The following DOCK5 variants were observed in gnomAD, a reference collection of about 807,000 sequenced individuals.
DOCK5 encodes dedicator of cytokinesis protein 5.
Under a neutral mutation model 251.8 loss-of-function variants are expected in DOCK5, and 142 were observed. The ratio of observed to expected loss-of-function variants is 0.56; its 90% confidence interval spans 0.49 to 0.65. DOCK5 has a LOEUF of 0.65. Among genes scored for constraint, DOCK5 ranks in the 30% least tolerant of loss-of-function variants. The probability of loss-of-function intolerance (pLI) is 0.00; values close to 1 mark genes in which losing one functional copy is unlikely to be tolerated. For missense variants in DOCK5, 2,111 were observed against 2,312.3 expected (o/e 0.91, Z 1.79); for synonymous variants, 842 against 835.5 (o/e 1.01, Z -0.13).
At chr8:25,353,620 T>C (rs1289157951) in intron 27 of DOCK5, among the ~76,000 whole-genome samples, 1 of 152,204 alleles carries the variant, frequency 6.6e-6, no homozygotes, top group Non-Finnish European at 1.5e-5. Flanking sequence ...ATCTATCAAT[T>C]ACTTTTTATT....
chr8:25,246,701 A>G (rs1381612347), intron 2 of DOCK5, among the ~76,000 whole-genome samples: 1 of 67,902 alleles, frequency 1.5e-5, no homozygotes, highest in Admixed American at 2.3e-4. Flanking sequence ...CTGCCATGTT[A>G]GTTTGTGTGT....
At chr8:25,246,875 T>C (rs1056733219) in intron 2 of DOCK5, among the ~76,000 whole-genome samples, 2 of 149,930 alleles carry the variant, frequency 1.3e-5, no homozygotes, top group Non-Finnish European at 2.9e-5. Flanking sequence ...AAGTAGGTAA[T>C]GTCTTTTGTT....
chr8:25,341,614 A>G (rs1269335972), intron 23 of DOCK5, 125 bp from the exon 24 acceptor site: 1 of 762,672 alleles, frequency 1.3e-6, no homozygotes, highest in Non-Finnish European at 2.2e-6. Flanking sequence ...TTTTTATTGT[A>G]AGGGTATCTG....
chr8:25,244,852 A>C (rs1176303346), intron 2 of DOCK5, among the ~76,000 whole-genome samples: 1 of 152,124 alleles, frequency 6.6e-6, no homozygotes, highest in Non-Finnish European at 1.5e-5. Flanking sequence ...CTTCCACACA[A>C]CTCAATGTAA....
chr8:25,194,857 G>A (rs549337431), intron 1 of DOCK5, among the ~76,000 whole-genome samples: 9 of 152,138 alleles, frequency 5.9e-5, no homozygotes, highest in Non-Finnish European at 1.3e-4. Context: ...TCAGATTACT[G>A]CTGCTGATGT....
chr8:25,247,861 C>T (rs1213606027), intron 2 of DOCK5, among the ~76,000 whole-genome samples: 1 of 152,208 alleles, frequency 6.6e-6, no homozygotes, highest in Non-Finnish European at 1.5e-5. Flanking sequence ...ATTTGACAGT[C>T]ACACAAAAAT....
At chr8:25,254,345 A>G (rs1193028957) in intron 2 of DOCK5, among the ~76,000 whole-genome samples, 1 of 152,224 alleles carries the variant, frequency 6.6e-6, no homozygotes, top group Non-Finnish European at 1.5e-5. Context: ...CTTTTTAGAT[A>G]TAACACTGAA....
At chr8:25,282,849 CAAAAAAAAAAAA>C (rs56687628) in intron 5 of DOCK5, among the ~76,000 whole-genome samples, 17 of 39,616 alleles carry the variant, frequency 4.3e-4, no homozygotes, top group South Asian at 1.9e-3. Context: ...GACCCTTTCT[CAAAAAAAAAAAA>C]AAAAAAAAAA....
chr8:25,382,239 T>C lies in DOCK5; in HGVS notation c.4027-435T>C, dbSNP rs570825155. ...CAATCCTCCCACCTCTGCCTCCCAATGTGCAAGGATTATAGGCGTGAGCCA... is the reference window on the plus strand; with the variant it reads ...CAATCCTCCCACCTCTGCCTCCCAACGTGCAAGGATTATAGGCGTGAGCCA... On this transcript the variant is annotated intron_variant, in intron 39 of 51. Transcript: ENST00000276440. 1.3e-3 allele frequency among the ~76,000 whole-genome samples: 193 copies of C among 152,196 alleles called. 2 individuals carry two copies. The highest frequency in any genetic ancestry group is 2.4e-3 in the Non-Finnish European group (164 of 67,992).
intron 27 of DOCK5, among the ~76,000 whole-genome samples, chr8:25,353,209 T>A (rs550249750): frequency 3.9e-5 from 6 of 152,218 alleles, no homozygotes; most frequent in African/African-American, 1.2e-4. Context: ...GTGCAGTGAT[T>A]AGTGCCTGTA....
intron 5 of DOCK5, among the ~76,000 whole-genome samples, chr8:25,286,657 C>CT (rs1359285168): frequency 1.3e-5 from 2 of 151,496 alleles, no homozygotes; most frequent in South Asian, 4.2e-4. Context: ...TTGTTTTTCT[C>CT]TTTTTTGTTT....
intron 2 of DOCK5, among the ~76,000 whole-genome samples, chr8:25,264,316 G>A (rs150423353): frequency 0.034 from 5,107 of 151,698 alleles, 362 homozygotes; most frequent in African/African-American, 0.11. Flanking sequence ...GTTGCAGTGA[G>A]CCATGATTGT....
intron 51 of DOCK5, 61 bp downstream of exon 51, chr8:25,410,263 A>C: frequency 1.4e-6 from 2 of 1,434,534 alleles, no homozygotes; most frequent in Non-Finnish European, 1.9e-6. Flanking sequence ...AGGCAGCATC[A>C]GGTTTTCCAG....
At chr8:25,241,310 A>G (rs968638791) in intron 1 of DOCK5, among the ~76,000 whole-genome samples, 2 of 152,030 alleles carry the variant, frequency 1.3e-5, no homozygotes, top group South Asian at 4.1e-4. Context: ...CCCCATCTCT[A>G]CTAAAAACAC....
intron 48 of DOCK5, among the ~76,000 whole-genome samples, chr8:25,404,429 C>T (rs1405378032): frequency 6.6e-6 from 1 of 152,040 alleles, no homozygotes; most frequent in Non-Finnish European, 1.5e-5. Context: ...TTTTGAATTT[C>T]GGATGTTTTA....
chr8:25,393,620 A>G (rs1801298049), intron 44 of DOCK5, among the ~76,000 whole-genome samples: 1 of 152,136 alleles, frequency 6.6e-6, no homozygotes. Flanking sequence ...TGCCTGAAAC[A>G]CACTCTTGCA....
At chr8:25,325,201 T>C (rs1402637505) in intron 17 of DOCK5, among the ~76,000 whole-genome samples, 163 bp from the exon 18 acceptor site, 2 of 152,308 alleles carry the variant, frequency 1.3e-5, no homozygotes, top group East Asian at 1.9e-4. Context: ...CTGGGCTCAA[T>C]GTTTACAGAA....
Position 25,268,864 on chromosome 8 carries a change from C to G in DOCK5, c.147C>G (p.Thr49=). 1 of 1,561,336 alleles carries G rather than the reference C, an allele frequency of 6.4e-7. No homozygotes were observed. Among genetic ancestry groups the G allele is most frequent in the Non-Finnish European group, 8.6e-7 (1 of 1,158,846 alleles). Residue 49 remains threonine, a synonymous_variant, in exon 3 of 52, where the codon ACC becomes ACG. Coordinates refer to ENST00000276440, the MANE Select transcript of DOCK5 (RefSeq NM_024940.8). Reference sequence around the variant, plus strand: ...TGACAGGTTGGTACAGAGGATATACCCTCCAAAATAAATCTAAAAAGGTAT... The same window carrying G: ...TGACAGGTTGGTACAGAGGATATACGCTCCAAAATAAATCTAAAAAGGTAT... ...EMYEGWYRGY[T]LQNKSKKGIF...
chr8:25,199,377 G>GTTT (rs1801823149), intron 1 of DOCK5, among the ~76,000 whole-genome samples: 2 of 91,188 alleles, frequency 2.2e-5, no homozygotes, highest in African/African-American at 4.5e-5. Flanking sequence ...TTTCCGCTCT[G>GTTT]TTCTTTTTTT....
Sources: allele counts gnomAD v4.1 joint callset (sites outside exome capture counted in the v4.1 genomes callset), GRCh38; gene constraint gnomAD v4.1.1; transcripts MANE v1.5; gene names NCBI Gene and HGNC (gene_info 2026-07-23, HGNC 2026-07-21).